Variants in MSLN observed in about 807,000 individuals in gnomAD.
MSLN encodes the protein mesothelin.
MSLN carries 82 observed loss-of-function variants against 72.6 expected under a neutral mutation model. The ratio of observed to expected loss-of-function variants is 1.13; its 90% confidence interval spans 0.94 to 1.36. MSLN has a LOEUF of 1.36. Ranked by LOEUF, MSLN falls within the 40% of genes most tolerant of loss-of-function variation. The pLI is 0.00. For missense variants in MSLN, 1,005 were observed against 847.9 expected, an observed-to-expected ratio of 1.19 and a Z score of -2.30; for synonymous variants, 456 against 387.3, an observed-to-expected ratio of 1.18 and a Z score of -2.08.
In MSLN at chr16:766,180, G is replaced by C; in HGVS notation, c.1017G>C (p.Val339=). The C allele has an allele frequency of 6.2e-7, 1 of 1,612,662 alleles. No individual in the cohort carries two copies. Among genetic ancestry groups the C allele is most frequent in the East Asian group, 2.2e-5 (1 of 44,884 alleles). ...AALLATQMDR[V]NAIPFTYEQL... ...TGCTGGCCACCCAGATGGACCGCGT[G>C]AACGCCATCCCCTTCACCTACGAGC... is the stretch of plus-strand genomic sequence containing the variant. The change falls in exon 12 of 18, where the codon GTG becomes GTC. Residue 339 remains valine, a synonymous_variant. Transcript: ENST00000545450.
rs149260184 is a variant in MSLN at position 768,381 on chromosome 16, G to A, written c.1599G>A (p.Pro533=). The A allele has an allele frequency of 4.5e-4, 676 of 1,504,802 alleles. 1 individual carries two copies. The highest frequency in any genetic ancestry group is 9.6e-4 in the Admixed American group (42 of 43,958). 93.2% of individuals were successfully genotyped at this position (1,504,802 alleles called of 1,614,324 possible). The change falls in exon 17 of 18, where the codon CCG becomes CCA. Residue 533 remains proline, a splice_region_variant and synonymous_variant. Coordinates refer to ENST00000545450, the MANE Select transcript of MSLN (RefSeq NM_005823.6). ...TGGCTGCCCGGGGTCTCTGGCAGCC[G>A]TTGACTGTGGCTGAGGTGCAGAAAC... ...FMKLRTDAVL[P]LTVAEVQKLL...
chr16:767,419 T>C lies in MSLN; in HGVS notation c.1545T>C (p.Asn515=), dbSNP rs1346249417. The C allele has an allele frequency of 3.1e-6, 5 of 1,588,096 alleles. 1 individual carries two copies. The highest frequency in any genetic ancestry group is 2.2e-5 in the South Asian group (2 of 90,308). The part of the protein sequence containing the change: ...TEDLKALSQQ[N]VSMDLATFMK... ...ATTTGAAGGCGCTCAGTCAGCAGAA[T>C]GTGAGCATGGACTTGGCCACGTTCA... Residue 515 remains asparagine, a synonymous_variant, in exon 16 of 18, where the codon AAT becomes AAC. Coordinates refer to ENST00000545450, the MANE Select transcript of MSLN (RefSeq NM_005823.6).
At position 768,446 on chromosome 16, in the gene MSLN, G is replaced by A. The variant is rs563407287; in HGVS notation, c.1664G>A (p.Arg555Gln). 1.3e-4 allele frequency: 194 copies of A among 1,529,678 alleles called. No individual in the cohort carries two copies. The highest frequency in any genetic ancestry group is 6.0e-4 in the South Asian group (48 of 80,164). The allele number at this position is 1,529,678 out of a possible 1,614,324, so 94.8% of individuals were successfully genotyped here. A position where few individuals can be genotyped will look rare whatever the true frequency, so the allele number is the denominator to read the frequency against. Residue 555 changes from arginine to glutamine, a missense_variant, in exon 17 of 18, where the codon CGG becomes CAG. Physicochemically the swap from Arg to Gln is conservative, Grantham distance 43 (BLOSUM62 1). Coordinates refer to ENST00000545450, the MANE Select transcript of MSLN (RefSeq NM_005823.6). ...GTGGAGGGCCTGAAGGCGGAGGAGC[G>A]GCACCGCCCGGTGCGGGACTGGATC... ...PHVEGLKAEE[R>Q]HRPVRDWILR...
At chr16:764,388 C>T (rs1483984661) in intron 6 of MSLN, among the ~76,000 whole-genome samples, 1 of 152,210 alleles carries the variant, frequency 6.6e-6, no homozygotes, top group Non-Finnish European at 1.5e-5. Context: ...TCCTGGAGCG[C>T]CGTGGGCAGC....
Position 766,826 on chromosome 16 carries a change from T to G in MSLN, c.1373+16T>G. The G allele has an allele frequency of 6.2e-7, 1 of 1,612,374 alleles. No homozygotes were observed. Among genetic ancestry groups the G allele is most frequent in the Non-Finnish European group, 8.5e-7 (1 of 1,179,844 alleles). Reference sequence around the variant, plus strand: ...GCAGCATCTGGTGAGTCCCCAGAACTCTGCCCGGCAAGGTGGGTCCGTGTG... The same window carrying G: ...GCAGCATCTGGTGAGTCCCCAGAACGCTGCCCGGCAAGGTGGGTCCGTGTG... On this transcript the variant is annotated intron_variant, in intron 14 of 17. Transcript: ENST00000545450.
chr16:768,706 A>G lies in MSLN; in HGVS notation c.1842A>G (p.Ala614=), dbSNP rs1309878619. 1.2e-6 allele frequency: 2 copies of G among 1,610,746 alleles called. No homozygotes were observed. The highest frequency in any genetic ancestry group is 2.2e-5 in the East Asian group (1 of 44,864). Residue 614 remains alanine (A), a synonymous_variant, in exon 18 of 18, where the codon GCA becomes GCG. Transcript: ENST00000545450. The part of the protein sequence containing the change: ...LGPGPVLTVL[A]LLLASTLA ...CTGGACCTGTTCTCACCGTCCTGGC[A>G]CTGCTCCTAGCCTCCACCCTGGCCT...
intron 16 of MSLN, 46 bp downstream of exon 16, chr16:767,516 G>C (rs780115514): frequency 1.4e-6 from 2 of 1,410,794 alleles, no homozygotes; most frequent in Non-Finnish European, 1.9e-6. Flanking sequence ...GGCCCGTGGA[G>C]GAGGGGCGAG....
At position 768,686 on chromosome 16, in the gene MSLN, C is replaced by T. The variant is rs1161876798; in HGVS notation, c.1822C>T (p.Pro608Ser). 2 of 1,611,070 alleles carry T rather than the reference C, an allele frequency of 1.2e-6. No homozygotes were observed. The highest frequency in any genetic ancestry group is 2.7e-5 in the African/African-American group (2 of 74,960). ...GACGCCCTGCCTCCTAGGACCTGGA[C>T]CTGTTCTCACCGTCCTGGCACTGCT... is the stretch of plus-strand genomic sequence containing the variant. The part of the protein sequence containing the change: ...SGTPCLLGPG[P>S]VLTVLALLLA... The change falls in exon 18 of 18, where the codon CCT (proline) becomes TCT (serine). Residue 608 changes from proline to serine, a missense_variant. Pro to Ser is a moderately conservative substitution (Grantham distance 74, BLOSUM62 -1). Coordinates refer to ENST00000545450, the MANE Select transcript of MSLN (RefSeq NM_005823.6).
chr16:762,617 A>G, intron 2 of MSLN, 55 bp from the exon 3 acceptor site: 1 of 1,379,274 alleles, frequency 7.3e-7, no homozygotes, highest in East Asian at 2.3e-5. Context: ...CTGGCCCAGG[A>G]CAGAGGCGTG....
chr16:761,458 A>G (rs1420885688), intron 2 of MSLN, among the ~76,000 whole-genome samples: 4 of 152,218 alleles, frequency 2.6e-5, no homozygotes, highest in Admixed American at 1.3e-4. Flanking sequence ...CCCTCAGAGC[A>G]GGAAGGGCCG....
At chr16:765,465 G>T in intron 9 of MSLN, 62 bp from the exon 10 acceptor site, 1 of 1,507,492 alleles carries the variant, frequency 6.6e-7, no homozygotes, top group Non-Finnish European at 9.0e-7. Flanking sequence ...GTACGGCCTG[G>T]CCTCTTCCCT....
intron 3 of MSLN, 141 bp from the exon 4 acceptor site, chr16:763,092 G>C: frequency 1.6e-6 from 1 of 626,962 alleles, no homozygotes; most frequent in Non-Finnish European, 2.8e-6. Context: ...GGGGTACATG[G>C]GCCTGAGCCA....
chr16:767,067 T>G, intron 15 of MSLN, 55 bp downstream of exon 15: 1 of 1,607,684 alleles, frequency 6.2e-7, no homozygotes, highest in Non-Finnish European at 8.5e-7. Flanking sequence ...AAGCACAGAC[T>G]CCACTCGGGG....
rs1345615945 is a variant in MSLN at position 765,571 on chromosome 16, G to T, written c.749G>T (p.Gly250Val). 18 of 1,606,342 alleles carry T rather than the reference G, an allele frequency of 1.1e-5. No homozygotes were observed. The highest frequency in any genetic ancestry group is 2.7e-5 in the African/African-American group (2 of 74,900). The change falls in exon 10 of 18, where the codon GGC becomes GTC. Residue 250 changes from glycine (G) to valine (V), a missense_variant. Transcript: ENST00000545450. The part of the protein sequence containing the change: ...WSVSTMDALR[G>V]LLPVLGQPII... ...GTCTCCACGATGGACGCTCTGCGGG[G>T]CCTGCTGCCCGTGCTGGGCCAGCCC...
In MSLN at chr16:763,218, C is replaced by T. The variant is rs1254485873; in HGVS notation, c.86-15C>T. On this transcript the variant is annotated splice_polypyrimidine_tract_variant and intron_variant, in intron 3 of 17. Coordinates refer to ENST00000545450, the MANE Select transcript of MSLN (RefSeq NM_005823.6). ...GCCCGCCCCCTCCCCCAAGCTGTCC[C>T]CTCTGCCCCTTTAGGATGGGTGCAG... 6.5e-7 allele frequency: 1 copy of T among 1,534,048 alleles called. No individual in the cohort carries two copies. The highest frequency in any genetic ancestry group is 2.1e-5 in the Admixed American group (1 of 46,894).
Position 766,235 on chromosome 16 carries a change from G to A in MSLN, c.1072G>A (p.Glu358Lys). The change falls in exon 12 of 18, where the codon GAG becomes AAG. Residue 358 changes from glutamate (E) to lysine (K), a missense_variant and splice_region_variant. Physicochemically the swap from Glu to Lys is moderately conservative, Grantham distance 56 (BLOSUM62 1). Transcript: ENST00000545450. Reference sequence around the variant, plus strand: ...GGACGTCCTAAAGCATAAACTGGATGAGGTAGTTCATGACTCAAGTTCCCA... The same window carrying A: ...GGACGTCCTAAAGCATAAACTGGATAAGGTAGTTCATGACTCAAGTTCCCA... The part of the protein sequence containing the change: ...QLDVLKHKLD[E>K]LYPQGYPESV... 8 of 1,609,210 alleles carry A rather than the reference G, an allele frequency of 5.0e-6. No homozygotes were observed. The highest frequency in any genetic ancestry group is 6.8e-6 in the Non-Finnish European group (8 of 1,176,922).
At chr16:768,266 GC>G in intron 16 of MSLN, 112 bp from the exon 17 acceptor site, 2 of 1,105,362 alleles carry the variant, frequency 1.8e-6, no homozygotes. Context: ...GTCTGGAGAG[GC>G]TGCGGTGGGC....
chr16:766,659 C>T lies in MSLN; in HGVS notation c.1231-9C>T. 6.2e-7 allele frequency: 1 copy of T among 1,612,352 alleles called. No individual in the cohort carries two copies. The highest frequency in any genetic ancestry group is 8.5e-7 in the Non-Finnish European group (1 of 1,179,826). On this transcript the variant is annotated splice_polypyrimidine_tract_variant and intron_variant, in intron 13 of 17. Coordinates refer to ENST00000545450, the MANE Select transcript of MSLN (RefSeq NM_005823.6). ...TTGCCACAAGGCTCCTCGGCGGCCC[C>T]TCCCACAGGTGGCCACCCTGATCGA...
chr16:767,907 A>AG (rs1425374089), intron 16 of MSLN, among the ~76,000 whole-genome samples: 1 of 3,068 alleles, frequency 3.3e-4, no homozygotes, highest in Non-Finnish European at 4.8e-4. Flanking sequence ...GGGGGTGTGG[A>AG]GGGGGGCGCG....
Sources: allele counts gnomAD v4.1 joint callset (sites outside exome capture counted in the v4.1 genomes callset), GRCh38; gene constraint gnomAD v4.1.1; transcripts MANE v1.5; gene names NCBI Gene and HGNC (gene_info 2026-07-23, HGNC 2026-07-21).